SMIM19: variants seen among roughly 807,000 people sequenced by gnomAD.
SMIM19 encodes the protein UPF0697 protein C8orf40.
A neutral mutation model predicts 13.2 loss-of-function variants in SMIM19; 6 were observed. That is an observed-to-expected ratio of 0.45 (90% CI 0.25 to 0.90). SMIM19 has a LOEUF of 0.90. SMIM19 is among the 40% of genes least tolerant of loss of function. The pLI, the probability that SMIM19 is intolerant of heterozygous loss-of-function variation, is 0.19. For synonymous variants in SMIM19, 46 were observed against 43.1 expected (o/e 1.07, Z -0.27); for missense variants, 138 against 131.0 (o/e 1.05, Z -0.26).
Position 42,546,461 on chromosome 8 carries a change from T to G in SMIM19, c.-4-8T>G. 1 of 1,592,964 alleles carries G rather than the reference T, an allele frequency of 6.3e-7. No homozygotes were observed. Among genetic ancestry groups the G allele is most frequent in the Non-Finnish European group, 8.5e-7 (1 of 1,174,470 alleles). On this transcript the variant is annotated splice_region_variant and splice_polypyrimidine_tract_variant and intron_variant, in intron 1 of 3. Coordinates refer to ENST00000417410, the MANE Select transcript of SMIM19 (RefSeq NM_001135674.2). ...AAAAGAAACCCTGCTTTCTTTTCTC[T>G]CTTACAGCCCCATGGCTGGGGGTTA...
rs764709263 is a variant in SMIM19, at chr8:42,548,788, T to C, written c.259+8T>C. 2.0e-5 allele frequency: 33 copies of C among 1,611,610 alleles called. No individual in the cohort carries two copies. Among genetic ancestry groups the C allele is most frequent in the Non-Finnish European group, 2.8e-5 (33 of 1,179,014 alleles). On this transcript the variant is annotated splice_region_variant and intron_variant, in intron 3 of 3. Coordinates refer to ENST00000417410, the MANE Select transcript of SMIM19 (RefSeq NM_001135674.2). ...TGGAAATGTATTCCATTTGTAAGTA[T>C]ATTCTGTGCTGAAAGATACACATAT...
In SMIM19 at chr8:42,546,491, G is replaced by C. The variant is rs770580914; in HGVS notation, c.19G>C (p.Val7Leu). MAGGYGVMGDDGSIDYT... is the reference protein window; with the variant it reads MAGGYGLMGDDGSIDYT... ...CAGCCCCATGGCTGGGGGTTATGGA[G>C]TGATGGGTGACGATGGTTCTATTGA... The change falls in exon 2 of 4, where the codon GTG becomes CTG. Residue 7 changes from valine (V) to leucine (L), a missense_variant. By Grantham distance (32) the Val-to-Leu change is conservative. Coordinates refer to ENST00000417410, the MANE Select transcript of SMIM19 (RefSeq NM_001135674.2). 11 of 1,613,074 alleles carry C rather than the reference G, an allele frequency of 6.8e-6. No individual in the cohort carries two copies. The East Asian group carries it at 2.5e-4, about 36-fold the overall frequency.
At chr8:42,547,617 C>T (rs563319587) in intron 2 of SMIM19, among the ~76,000 whole-genome samples, 5 of 152,154 alleles carry the variant, frequency 3.3e-5, no homozygotes, top group Non-Finnish European at 7.4e-5. Flanking sequence ...TTGTGCATGA[C>T]TATATCATAG....
intron 1 of SMIM19, among the ~76,000 whole-genome samples, chr8:42,542,671 T>C (rs1813293997): frequency 6.6e-6 from 1 of 151,828 alleles, no homozygotes; most frequent in African/African-American, 2.4e-5. Flanking sequence ...CTAGAAAAAG[T>C]AGTTCTCGGC....
intron 1 of SMIM19, chr8:42,542,579 AT>A: frequency 1.6e-6 from 1 of 643,914 alleles, no homozygotes; most frequent in Non-Finnish European, 1.9e-6. Context: ...GCGGTGGTCA[AT>A]TTTAGAATCA....
chr8:42,541,312 G>C (rs1221415300), upstream of SMIM19: 1 of 148,706 alleles, frequency 6.7e-6, no homozygotes, highest in South Asian at 2.1e-4. Context: ...CGCCGCCGCC[G>C]CGAGCCCCGC....
At chr8:42,546,178 G>A (rs112483805) in intron 1 of SMIM19, among the ~76,000 whole-genome samples, 19 of 152,298 alleles carry the variant, frequency 1.2e-4, no homozygotes, top group African/African-American at 3.8e-4. Flanking sequence ...CAATGTAAAT[G>A]CTATGTAAAT....
chr8:42,545,887 G>C (rs1240009400), intron 1 of SMIM19, among the ~76,000 whole-genome samples: 2 of 152,150 alleles, frequency 1.3e-5, no homozygotes, highest in African/African-American at 4.8e-5. Context: ...TTTGGAAACT[G>C]CAATAACATT....
At chr8:42,542,518 C>CA in intron 1 of SMIM19, 145 bp downstream of exon 1, 1 of 970,562 alleles carries the variant, frequency 1.0e-6, no homozygotes, top group African/African-American at 1.8e-5. Flanking sequence ...ATCAAAGTAA[C>CA]AAAGTTCTAA....
intron 3 of SMIM19, among the ~76,000 whole-genome samples, chr8:42,550,890 G>A (rs1356672679): frequency 6.6e-6 from 1 of 152,174 alleles, no homozygotes; most frequent in Non-Finnish European, 1.5e-5. Context: ...AGAGTCTGGT[G>A]GTTCCAAAGA....
chr8:42,550,793 T>C (rs1420106155), intron 3 of SMIM19, among the ~76,000 whole-genome samples: 1 of 152,176 alleles, frequency 6.6e-6, no homozygotes, highest in Admixed American at 6.5e-5. Context: ...ATTATGCTTA[T>C]AAGCAGTGAG....
chr8:42,546,470 C>G lies in SMIM19; in HGVS notation c.-3C>G. On this transcript the variant is annotated splice_region_variant and 5_prime_UTR_variant, in exon 2 of 4. Coordinates refer to ENST00000417410, the MANE Select transcript of SMIM19 (RefSeq NM_001135674.2). ...CCTGCTTTCTTTTCTCTCTTACAGCCCCATGGCTGGGGGTTATGGAGTGAT... is the reference window on the plus strand; with the variant it reads ...CCTGCTTTCTTTTCTCTCTTACAGCGCCATGGCTGGGGGTTATGGAGTGAT... 6.2e-7 allele frequency: 1 copy of G among 1,604,626 alleles called. No homozygotes were observed. The highest frequency in any genetic ancestry group is 2.2e-5 in the East Asian group (1 of 44,794).
chr8:42,542,832 T>C (rs961357857), intron 1 of SMIM19, among the ~76,000 whole-genome samples: 2 of 151,060 alleles, frequency 1.3e-5, no homozygotes, highest in Non-Finnish European at 1.5e-5. Flanking sequence ...AAATAAGAAT[T>C]ACCCAGGCAT....
rs768261961 is a variant in SMIM19, at chr8:42,546,623, C to G, written c.134+17C>G. 1 of 1,600,804 alleles carries G rather than the reference C, an allele frequency of 6.2e-7. No homozygotes were observed. ...TGCCAAAAGGTAAATTTTTGTTTCTCAGGGTAGATAAAAACTGTGCATTTA... is the reference window on the plus strand; with the variant it reads ...TGCCAAAAGGTAAATTTTTGTTTCTGAGGGTAGATAAAAACTGTGCATTTA... On this transcript the variant is annotated intron_variant, in intron 2 of 3. Coordinates refer to ENST00000417410, the MANE Select transcript of SMIM19 (RefSeq NM_001135674.2).
rs1813231236 is a variant in SMIM19 at position 42,541,923 on chromosome 8, A to AGCGC, written c.-454_-451dup. 1 of 152,032 alleles carries AGCGC rather than the reference A, an allele frequency of 6.6e-6. No homozygotes were observed. Among genetic ancestry groups the AGCGC allele is most frequent in the Non-Finnish European group, 1.5e-5 (1 of 67,978 alleles). 9.4% of individuals were successfully genotyped at this position (152,032 alleles called of 1,614,324 possible). A position where few individuals can be genotyped will look rare whatever the true frequency, so the allele number is the denominator to read the frequency against. ...GAGCTGCGAGTCGCCCGCTTCCGGAAGCGCACACGGGCCAGTTGCGGCGGC... is the reference window on the plus strand; with the variant it reads ...GAGCTGCGAGTCGCCCGCTTCCGGAAGCGCGCGCACACGGGCCAGTTGCGGCGGC... On this transcript the variant is annotated 5_prime_UTR_variant, in exon 1 of 4. Coordinates refer to ENST00000417410, the MANE Select transcript of SMIM19 (RefSeq NM_001135674.2).
chr8:42,547,899 A>G (rs1563568608), intron 2 of SMIM19, among the ~76,000 whole-genome samples: 1 of 152,226 alleles, frequency 6.6e-6, no homozygotes, highest in Non-Finnish European at 1.5e-5. Flanking sequence ...CTGCAGACAC[A>G]TGCTTTACAG....
At chr8:42,541,305 C>T (rs1169331323), upstream of SMIM19, 1 of 149,164 alleles carries the variant, frequency 6.7e-6, no homozygotes, top group African/African-American at 2.4e-5. Context: ...CGCAACCCGC[C>T]GCCGCCGCGA....
At chr8:42,551,344 A>G (rs1162754573) in intron 3 of SMIM19, among the ~76,000 whole-genome samples, 1 of 151,944 alleles carries the variant, frequency 6.6e-6, no homozygotes, top group Non-Finnish European at 1.5e-5. Context: ...GAAGAGATTG[A>G]AAGTTTTAAA....
intron 1 of SMIM19, among the ~76,000 whole-genome samples, chr8:42,546,219 A>AT (rs1384874194): frequency 2.6e-4 from 40 of 152,256 alleles, no homozygotes; most frequent in Admixed American, 2.4e-3. Context: ...TAAAATTTGT[A>AT]TTTTTTCCCA....
Sources: allele counts gnomAD v4.1 joint callset (sites outside exome capture counted in the v4.1 genomes callset), GRCh38; gene constraint gnomAD v4.1.1; transcripts MANE v1.5; gene names NCBI Gene and HGNC (gene_info 2026-07-23, HGNC 2026-07-21).